PRH1: variants seen among roughly 807,000 people sequenced by gnomAD.
PRH1 encodes salivary acidic proline-rich phosphoprotein 1/2.
A neutral mutation model predicts 7.9 loss-of-function variants in PRH1; 7 were observed. The ratio of observed to expected loss-of-function variants is 0.89; its 90% CI spans 0.50 to 1.67. PRH1 has a LOEUF of 1.67. Among genes scored for constraint, PRH1 ranks in the 40% most tolerant of loss-of-function variants. The pLI is 0.00. For missense variants in PRH1, 109 were observed against 223.6 expected (o/e 0.49, Z 3.27); for synonymous variants, 45 against 80.8 (o/e 0.56, Z 2.38).
Position 10,938,176 on chromosome 12 carries a change from C to A in PRH1, c.-59+35479G>T, listed in dbSNP as rs991224059. On this transcript the variant is annotated intron_variant, in intron 2 of 3. Coordinates refer to the PRH1 transcript ENST00000539853. ...TTTGTAAAATTCACAAAGTTATACA[C>A]AATGAAAGAATCTTAAGGAAGTATA... 1.3e-5 allele frequency: 13 copies of A among 989,930 alleles called. No individual in the cohort carries two copies. The Admixed American group carries it at 2.5e-4, about 19-fold the overall frequency. The allele number at this position is 989,930 out of a possible 1,614,324, so 61.3% of individuals were successfully genotyped here. A position where few individuals can be genotyped will look rare whatever the true frequency, so the allele number is the denominator to read the frequency against.
At chr12:11,156,187 T>C (rs1209686231) in intron 1 of PRH1, among the ~76,000 whole-genome samples, 1 of 152,228 alleles carries the variant, frequency 6.6e-6, no homozygotes, top group Non-Finnish European at 1.5e-5. Flanking sequence ...ACTGAAAATA[T>C]ATTACATTGA....
chr12:11,159,919 C>T (rs1947363376), intron 1 of PRH1, among the ~76,000 whole-genome samples: 1 of 152,176 alleles, frequency 6.6e-6, no homozygotes, highest in African/African-American at 2.4e-5. Flanking sequence ...TACAAAGCTT[C>T]ATGAATACCT....
At chr12:10,964,856 AT>A (rs565480023) in intron 2 of PRH1, 69 of 549,928 alleles carry the variant, frequency 1.3e-4, no homozygotes, top group African/African-American at 1.2e-3. Flanking sequence ...ACTCAATTTG[AT>A]CTCCCAACTC....
intron 2 of PRH1, among the ~76,000 whole-genome samples, chr12:10,970,532 A>G (rs958635584): frequency 2.6e-5 from 4 of 151,338 alleles, no homozygotes; most frequent in Admixed American, 2.0e-4. Flanking sequence ...TTGCTTATAT[A>G]TTATTTTTAA....
At chr12:10,891,762 G>C (rs1949576615) in intron 2 of PRH1, 1 of 152,204 alleles carries the variant, frequency 6.6e-6, no homozygotes, top group Non-Finnish European at 1.5e-5. Flanking sequence ...CCCTCACAGG[G>C]ATAAGATGAG....
intron 1 of PRH1, among the ~76,000 whole-genome samples, chr12:10,991,474 T>TA (rs1939928426): frequency 6.6e-6 from 1 of 152,154 alleles, no homozygotes. Flanking sequence ...GAAATTCAAG[T>TA]AAAAACATTA....
intron 2 of PRH1, among the ~76,000 whole-genome samples, chr12:10,959,438 TAAG>T (rs1162035711): frequency 6.6e-6 from 1 of 152,080 alleles, no homozygotes; most frequent in African/African-American, 2.4e-5. Flanking sequence ...TGAACTTACC[TAAG>T]AAGTGGGAGT....
intron 1 of PRH1, chr12:11,022,405 A>C: frequency 6.2e-7 from 1 of 1,614,146 alleles, no homozygotes; most frequent in Non-Finnish European, 8.5e-7. Context: ...GAGTAAACCA[A>C]TTCTGGAGAC....
rs1947195731 is a variant in PRH1, at chr12:11,154,537, T to A, written n.39+16885A>T. 4.6e-5 allele frequency among the ~76,000 whole-genome samples: 7 copies of A among 152,290 alleles called. No individual in the cohort carries two copies. In the South Asian group the frequency reaches 1.5e-3, roughly 32 times the overall value. ...GAGCAATGGCCTAGGACAAATTTCC[T>A]CTGAGCTCTAGGGGAGGTGGAGGGA... On this transcript the variant is annotated intron_variant and non_coding_transcript_variant, in intron 1 of 1. Coordinates refer to the PRH1 transcript ENST00000541175.
At chr12:10,912,893 ATAC>A (rs1315385312) in intron 2 of PRH1, among the ~76,000 whole-genome samples, 3 of 152,140 alleles carry the variant, frequency 2.0e-5, no homozygotes, top group Admixed American at 6.5e-5. Context: ...GCAGTGTTTC[ATAC>A]ATCCACTAGA....
intron 1 of PRH1, chr12:11,061,817 C>T: frequency 6.2e-7 from 1 of 1,614,184 alleles, no homozygotes; most frequent in Non-Finnish European, 8.5e-7. Context: ...GTCATGTTTC[C>T]TTCATATTCT....
intron 1 of PRH1, among the ~76,000 whole-genome samples, chr12:11,147,130 A>C (rs1032007013): frequency 6.7e-6 from 1 of 149,222 alleles, no homozygotes; most frequent in Non-Finnish European, 1.5e-5. Flanking sequence ...CATTGACTAT[A>C]TTAATCTAGA....
chr12:11,035,746 T>C (rs1455032930), intron 1 of PRH1, among the ~76,000 whole-genome samples: 2 of 152,196 alleles, frequency 1.3e-5, no homozygotes, highest in African/African-American at 2.4e-5. Flanking sequence ...ATCTTATCTG[T>C]TGCTGGGTCA....
intron 1 of PRH1, among the ~76,000 whole-genome samples, chr12:11,070,143 T>C (rs1191500657): frequency 7.0e-6 from 1 of 143,338 alleles, no homozygotes; most frequent in African/African-American, 2.5e-5. Flanking sequence ...AAATAATAAT[T>C]GGTCACAGGC....
intron 1 of PRH1, among the ~76,000 whole-genome samples, chr12:11,019,609 T>A (rs1565555972): frequency 6.6e-6 from 1 of 151,250 alleles, no homozygotes; most frequent in African/African-American, 2.4e-5. Flanking sequence ...AAAAATGAAA[T>A]GCCTTTTTGT....
intron 2 of PRH1, among the ~76,000 whole-genome samples, chr12:10,969,060 G>A (rs1262308101): frequency 6.6e-6 from 1 of 152,212 alleles, no homozygotes; most frequent in Non-Finnish European, 1.5e-5. Context: ...CCGAATTGGA[G>A]AATGGTAAAT....
At chr12:11,156,052 G>A (rs1412512574) in intron 1 of PRH1, among the ~76,000 whole-genome samples, 1 of 152,070 alleles carries the variant, frequency 6.6e-6, no homozygotes, top group African/African-American at 2.4e-5. Context: ...ACGCACATTT[G>A]CCATTGCCTT....
At chr12:10,962,475 G>T (rs1040358408) in intron 2 of PRH1, among the ~76,000 whole-genome samples, 1 of 152,102 alleles carries the variant, frequency 6.6e-6, no homozygotes, top group Non-Finnish European at 1.5e-5. Context: ...GCTGCATCAA[G>T]GCTATATATA....
chr12:10,924,852 C>A (rs867724522), intron 2 of PRH1, among the ~76,000 whole-genome samples: 9 of 152,108 alleles, frequency 5.9e-5, no homozygotes, highest in South Asian at 2.1e-4. Flanking sequence ...GTGATATCCC[C>A]TTTATCATTT....
Sources: allele counts gnomAD v4.1 joint callset (sites outside exome capture counted in the v4.1 genomes callset), GRCh38; gene constraint gnomAD v4.1.1; transcripts MANE v1.5; gene names NCBI Gene and HGNC (gene_info 2026-07-23, HGNC 2026-07-21).